Variants in BMPER observed in about 807,000 individuals in gnomAD.
BMPER encodes the protein BMP binding endothelial regulator, also known as BMP-binding endothelial regulator protein.
Under a neutral mutation model 87.3 loss-of-function variants are expected in BMPER, and 45 were observed. The observed-to-expected ratio is 0.52, with a 90% CI of 0.41 to 0.66. The LOEUF is 0.66. Ranked by LOEUF, BMPER falls within the 30% of genes least tolerant of loss-of-function variation. BMPER has a pLI of 0.00. For missense variants in BMPER, 784 were observed against 867.5 expected (o/e 0.90, Z 1.21); for synonymous variants, 326 against 316.2 (o/e 1.03, Z -0.33).
rs1351194259 is a variant in BMPER at position 34,143,287 on chromosome 7, A to G, written c.1803A>G (p.Ser601=). 1.2e-6 allele frequency: 2 copies of G among 1,614,078 alleles called. No homozygotes were observed. Among genetic ancestry groups the G allele is most frequent in the Non-Finnish European group, 1.7e-6 (2 of 1,179,970 alleles). ...CPVHKNCYCE[S]FLAYTRACQR... ...TCCATAAAAACTGTTATTGCGAGTC[A>G]TTTTTGGCATATACCCGGGCCTGCC... The change falls in exon 14 of 15, where the codon TCA becomes TCG. Residue 601 remains serine, a synonymous_variant. Coordinates refer to ENST00000649409, the MANE Select transcript of BMPER (RefSeq NM_001365308.1).
chr7:33,967,786 C>T (rs1366335439), intron 4 of BMPER, among the ~76,000 whole-genome samples: 2 of 152,122 alleles, frequency 1.3e-5, no homozygotes, highest in Admixed American at 6.5e-5. Flanking sequence ...GTAGAGCACT[C>T]AGAAAACCAA....
chr7:34,091,898 G>A (rs1789394424), intron 13 of BMPER, among the ~76,000 whole-genome samples: 1 of 152,134 alleles, frequency 6.6e-6, no homozygotes, highest in Non-Finnish European at 1.5e-5. Flanking sequence ...TTTAACTCAT[G>A]TTCTATGTTG....
At chr7:34,025,238 T>C (rs773714751) in intron 6 of BMPER, among the ~76,000 whole-genome samples, 1 of 152,096 alleles carries the variant, frequency 6.6e-6, no homozygotes, top group Non-Finnish European at 1.5e-5. Context: ...ACTTATAATA[T>C]TTTAAATGAT....
chr7:33,950,787 CAG>C (rs1036310018), intron 3 of BMPER, among the ~76,000 whole-genome samples: 3 of 152,134 alleles, frequency 2.0e-5, no homozygotes, highest in Non-Finnish European at 2.9e-5. Flanking sequence ...GTAGGTGTAT[CAG>C]GGGTTGGATA....
intron 2 of BMPER, among the ~76,000 whole-genome samples, chr7:33,916,886 A>C (rs1333089297): frequency 1.3e-5 from 2 of 152,206 alleles, no homozygotes; most frequent in Non-Finnish European, 2.9e-5. Context: ...TGGAACTCCA[A>C]GTTCCAAAAC....
At chr7:34,072,011 A>C (rs574095332) in intron 11 of BMPER, among the ~76,000 whole-genome samples, 153 of 152,246 alleles carry the variant, frequency 1.0e-3, no homozygotes, top group African/African-American at 3.4e-3. Flanking sequence ...TGGGGAAAGG[A>C]ATGGCCTTGA....
intron 11 of BMPER, among the ~76,000 whole-genome samples, chr7:34,077,921 T>G (rs1157794284): frequency 6.6e-6 from 1 of 152,200 alleles, no homozygotes; most frequent in Non-Finnish European, 1.5e-5. Flanking sequence ...TTTTTATTTT[T>G]TTTTTAATTA....
At position 34,079,650 on chromosome 7, in the gene BMPER, G is replaced by A. The variant is rs116025214; in HGVS notation, c.1408+464G>A. Reference sequence around the variant, plus strand: ...TAGCATCTGTCCAAGTCTTTGCAGCGGAGTCCTCAAAAGTAAACAGCTTAG... The same window carrying A: ...TAGCATCTGTCCAAGTCTTTGCAGCAGAGTCCTCAAAAGTAAACAGCTTAG... On this transcript the variant is annotated intron_variant, in intron 12 of 14. Transcript: ENST00000649409. 6.1e-3 allele frequency among the ~76,000 whole-genome samples: 927 copies of A among 152,192 alleles called. 9 individuals carry two copies. The highest frequency in any genetic ancestry group is 0.021 in the African/African-American group (882 of 41,518).
chr7:34,079,037 C>A lies in BMPER; in HGVS notation c.1259C>A (p.Ser420Ter), dbSNP rs2127973901. 1.2e-6 allele frequency: 2 copies of A among 1,614,166 alleles called. No individual in the cohort carries two copies. The highest frequency in any genetic ancestry group is 1.7e-6 in the Non-Finnish European group (2 of 1,180,014). Residue 420 changes from serine (S) to a stop codon, truncating the protein, a stop_gained, in exon 12 of 15, where the codon TCG becomes TAG. Coordinates refer to ENST00000649409, the MANE Select transcript of BMPER (RefSeq NM_001365308.1). LOFTEE classifies it high-confidence loss of function. ...RRTRSFSWTK[S>*]VELVLGESRV... ...ACACGCTCCTTCTCGTGGACCAAGT[C>A]GGTGGAGCTGGTGCTGGGCGAGAGC...
chr7:33,976,993 T>G (rs1171609496), intron 6 of BMPER, among the ~76,000 whole-genome samples: 1 of 152,206 alleles, frequency 6.6e-6, no homozygotes, highest in African/African-American at 2.4e-5. Flanking sequence ...CTGTATTCTG[T>G]CTAGTTTTCT....
intron 14 of BMPER, among the ~76,000 whole-genome samples, chr7:34,147,569 C>T (rs372037124): frequency 2.0e-5 from 3 of 152,274 alleles, no homozygotes; most frequent in South Asian, 2.1e-4. Flanking sequence ...CTCCTAGGTT[C>T]AAGTGATTCT....
intron 6 of BMPER, among the ~76,000 whole-genome samples, chr7:34,024,611 T>C (rs1055811539): frequency 2.6e-5 from 4 of 151,162 alleles, no homozygotes; most frequent in Non-Finnish European, 4.4e-5. Flanking sequence ...CACTCAATTC[T>C]ATGCATGTAC....
intron 13 of BMPER, among the ~76,000 whole-genome samples, chr7:34,125,429 T>G (rs1308105876): frequency 6.6e-6 from 1 of 152,234 alleles, no homozygotes; most frequent in Admixed American, 6.5e-5. Context: ...TTTTCATATC[T>G]TCATTGTAAT....
chr7:33,969,954 T>C (rs1433192112), intron 4 of BMPER, among the ~76,000 whole-genome samples: 5 of 152,218 alleles, frequency 3.3e-5, no homozygotes, highest in African/African-American at 1.2e-4. Flanking sequence ...TGGCTTGACA[T>C]GAATAACAAT....
intron 3 of BMPER, among the ~76,000 whole-genome samples, chr7:33,963,333 A>G (rs1785317732): frequency 6.6e-6 from 1 of 152,166 alleles, no homozygotes; most frequent in African/African-American, 2.4e-5. Context: ...TGAGTACAAA[A>G]ATGGACAGTA....
chr7:33,916,311 G>A (rs1268238229), intron 2 of BMPER, among the ~76,000 whole-genome samples: 1 of 152,220 alleles, frequency 6.6e-6, no homozygotes, highest in Non-Finnish European at 1.5e-5. Flanking sequence ...ACGAATCAGA[G>A]TGTTGTTTTC....
intron 6 of BMPER, among the ~76,000 whole-genome samples, chr7:33,985,771 G>A (rs1318210638): frequency 6.7e-6 from 1 of 150,290 alleles, no homozygotes. Flanking sequence ...TATTTCTAAT[G>A]TTTCTATTGG....
chr7:34,049,750 T>G (rs1788096170), intron 7 of BMPER, among the ~76,000 whole-genome samples: 1 of 152,118 alleles, frequency 6.6e-6, no homozygotes, highest in African/African-American at 2.4e-5. Context: ...CAAACCAGAT[T>G]ATCACAATTA....
chr7:34,016,111 A>G (rs1787020225), intron 6 of BMPER, among the ~76,000 whole-genome samples: 2 of 151,974 alleles, frequency 1.3e-5, no homozygotes, highest in Non-Finnish European at 2.9e-5. Context: ...CCCCAATCCT[A>G]TGTATTGTGC....
Sources: gnomAD v4.1 joint callset for allele counts (sites outside exome capture counted in the v4.1 genomes callset) on GRCh38, gnomAD v4.1.1 for gene constraint, MANE v1.5 for transcripts, NCBI Gene and HGNC (gene_info 2026-07-23, HGNC 2026-07-21) for gene names.